The following P3H2 variants were observed in gnomAD, a reference collection of about 807,000 sequenced individuals.
The protein encoded by P3H2 is leprecan-like 1.
A neutral mutation model predicts 87.0 loss-of-function variants in P3H2; 80 were observed. The observed-to-expected ratio is 0.92, with a 90% CI of 0.77 to 1.11. P3H2 has a LOEUF of 1.11. Ranked by LOEUF, P3H2 falls within the 50% of genes least tolerant of loss-of-function variation. P3H2 has a pLI of 0.00. For missense variants in P3H2, 1,001 were observed against 923.9 expected (o/e 1.08, Z -1.08); for synonymous variants, 367 against 359.3 (o/e 1.02, Z -0.24).
chr3:189,966,584 T>A (rs1374510367), intron 13 of P3H2, among the ~76,000 whole-genome samples: 1 of 152,236 alleles, frequency 6.6e-6, no homozygotes, highest in Non-Finnish European at 1.5e-5. Flanking sequence ...CTTCCATGTG[T>A]GACATTGTTT....
At chr3:190,030,441 G>A (rs1018156762) in intron 1 of P3H2, among the ~76,000 whole-genome samples, 24 of 152,110 alleles carry the variant, frequency 1.6e-4, no homozygotes, top group African/African-American at 4.3e-4. Context: ...GTGATGGCAC[G>A]CAACCCTGGA....
chr3:189,980,617 A>G (rs954363469), intron 8 of P3H2, among the ~76,000 whole-genome samples: 3 of 152,188 alleles, frequency 2.0e-5, no homozygotes, highest in Admixed American at 1.3e-4. Context: ...CTTTGTATCT[A>G]TCTACAACTG....
rs561704748 is a variant in P3H2, at chr3:190,005,339, A to G, written c.481-9897T>C. On this transcript the variant is annotated intron_variant, in intron 1 of 14. Coordinates refer to ENST00000319332, the MANE Select transcript of P3H2 (RefSeq NM_018192.4). ...TCCACATGTTTCCTGAGTAGACTGC[A>G]TGGGGGCATATAGATCAGGGAGAAG... Among the ~76,000 whole-genome samples, 4 of 152,300 alleles carry G rather than the reference A, an allele frequency of 2.6e-5. No individual in the cohort carries two copies. In the East Asian group the frequency reaches 5.8e-4, roughly 22 times the overall value.
chr3:190,061,685 C>A (rs1357273865), intron 1 of P3H2, among the ~76,000 whole-genome samples: 1 of 152,148 alleles, frequency 6.6e-6, no homozygotes, highest in Non-Finnish European at 1.5e-5. Context: ...TTAGCCTTGC[C>A]TCCTTCTAAC....
At chr3:190,037,435 C>T (rs1328239853) in intron 1 of P3H2, among the ~76,000 whole-genome samples, 1 of 151,900 alleles carries the variant, frequency 6.6e-6, no homozygotes. Flanking sequence ...AAAATATGGA[C>T]CCTAGGGAAG....
At chr3:189,973,700 AT>A (rs1723255527) in intron 10 of P3H2, among the ~76,000 whole-genome samples, 1 of 150,304 alleles carries the variant, frequency 6.7e-6, no homozygotes, top group Non-Finnish European at 1.5e-5. Flanking sequence ...ATTTTTTTGT[AT>A]TTTTAGTAGA....
At chr3:190,062,691 C>A (rs573363674) in intron 1 of P3H2, among the ~76,000 whole-genome samples, 1 of 152,186 alleles carries the variant, frequency 6.6e-6, no homozygotes, top group South Asian at 2.1e-4. Context: ...AGTGACATAA[C>A]CTTGGGCAAG....
chr3:190,120,187 G>A (rs1712483215), intron 1 of P3H2, 65 bp downstream of exon 1: 2 of 1,555,232 alleles, frequency 1.3e-6, no homozygotes, highest in South Asian at 1.2e-5. Flanking sequence ...GGGGCAGCAG[G>A]GAGGGCTCAA....
At chr3:190,115,203 A>G (rs1159048361) in intron 1 of P3H2, among the ~76,000 whole-genome samples, 1 of 152,184 alleles carries the variant, frequency 6.6e-6, no homozygotes, top group Non-Finnish European at 1.5e-5. Context: ...TCAAGATACA[A>G]GAAGTTTCAA....
intron 4 of P3H2, among the ~76,000 whole-genome samples, chr3:189,988,455 T>TATAC (rs1168672360): frequency 2.0e-5 from 3 of 152,140 alleles, no homozygotes; most frequent in Non-Finnish European, 2.9e-5. Context: ...CACATATATA[T>TATAC]ATACTCTGAG....
At chr3:190,012,424 A>G (rs1724623582) in intron 1 of P3H2, among the ~76,000 whole-genome samples, 1 of 152,186 alleles carries the variant, frequency 6.6e-6, no homozygotes, top group Non-Finnish European at 1.5e-5. Flanking sequence ...TGGTCTAAGG[A>G]TAAAGTTCAA....
intron 1 of P3H2, among the ~76,000 whole-genome samples, chr3:190,045,052 A>C (rs1430917613): frequency 6.6e-6 from 1 of 152,230 alleles, no homozygotes; most frequent in Non-Finnish European, 1.5e-5. Context: ...AGAACTCAAT[A>C]AAATGCCCAG....
intron 13 of P3H2, among the ~76,000 whole-genome samples, chr3:189,964,747 A>G (rs1722925082): frequency 6.6e-6 from 1 of 152,250 alleles, no homozygotes; most frequent in African/African-American, 2.4e-5. Context: ...GGAGTGGCCT[A>G]TTCGCCATCA....
intron 14 of P3H2, among the ~76,000 whole-genome samples, chr3:189,961,721 G>A (rs1722818809): frequency 6.6e-6 from 1 of 152,194 alleles, no homozygotes; most frequent in African/African-American, 2.4e-5. Context: ...TTCCCACTGT[G>A]GCCACTAGAT....
At chr3:189,977,767 ATT>A (rs11361845) in intron 8 of P3H2, among the ~76,000 whole-genome samples, 1 of 144,356 alleles carries the variant, frequency 6.9e-6, no homozygotes. Flanking sequence ...TGCCTAGTTT[ATT>A]TTTTTTTTTG....
At chr3:190,022,863 T>G (rs1459303301) in intron 1 of P3H2, among the ~76,000 whole-genome samples, 1 of 151,952 alleles carries the variant, frequency 6.6e-6, no homozygotes, top group Non-Finnish European at 1.5e-5. Context: ...GTCTCACTCT[T>G]TTGCCCAGGC....
chr3:190,057,716 T>A (rs1310849715), intron 1 of P3H2, among the ~76,000 whole-genome samples: 1 of 152,178 alleles, frequency 6.6e-6, no homozygotes, highest in Non-Finnish European at 1.5e-5. Context: ...TTTAGACAGC[T>A]TTATATTCAT....
intron 2 of P3H2, among the ~76,000 whole-genome samples, 193 bp from the exon 3 acceptor site, chr3:189,994,476 T>C (rs573977478): frequency 6.6e-6 from 1 of 152,324 alleles, no homozygotes; most frequent in Admixed American, 6.5e-5. Context: ...CTTCAAATGC[T>C]TGTAAGTGAG....
At position 190,120,597 on chromosome 3, in the gene P3H2, G is replaced by C; in HGVS notation, c.135C>G (p.Asp45Glu). Residue 45 changes from aspartate (D) to glutamate (E), a missense_variant, in exon 1 of 15, where the codon GAC becomes GAG. Physicochemically the swap from Asp to Glu is conservative, Grantham distance 45 (BLOSUM62 2). Coordinates refer to ENST00000319332, the MANE Select transcript of P3H2 (RefSeq NM_018192.4). ...CGGCCGCGCCGCTGGCGTAGAGCAG[G>C]TCGAAGGGCTGCAGAGGCCCGGGCT... ...ELEPGPLQPF[D>E]LLYASGAAAY... 1 of 1,548,008 alleles carries C rather than the reference G, an allele frequency of 6.5e-7. No individual in the cohort carries two copies. The highest frequency in any genetic ancestry group is 8.6e-7 in the Non-Finnish European group (1 of 1,156,944).
Sources: gnomAD v4.1 joint callset for allele counts (sites outside exome capture counted in the v4.1 genomes callset) on GRCh38, gnomAD v4.1.1 for gene constraint, MANE v1.5 for transcripts, NCBI Gene and HGNC (gene_info 2026-07-23, HGNC 2026-07-21) for gene names.